TTN: variants seen among roughly 807,000 people sequenced by gnomAD.
The protein encoded by TTN is titin.
A neutral mutation model predicts 3,223.0 loss-of-function variants in TTN; 1,525 were observed. The ratio of observed to expected loss-of-function variants is 0.47; its 90% confidence interval spans 0.45 to 0.49. The LOEUF (loss-of-function observed/expected upper bound fraction) is 0.49. Ranked by LOEUF, TTN falls within the 20% of genes least tolerant of loss-of-function variation. TTN has a pLI of 0.00. For missense variants in TTN, 40,786 were observed against 43,424.0 expected, an observed-to-expected ratio of 0.94 and a Z score of 5.40; for synonymous variants, 14,094 against 15,161.0, an observed-to-expected ratio of 0.93 and a Z score of 5.17.
Position 178,785,862 on chromosome 2 carries a change from G to A in TTN, c.2356C>T (p.His786Tyr). 5.6e-6 allele frequency: 9 copies of A among 1,614,142 alleles called. No homozygotes were observed. The highest frequency in any genetic ancestry group is 6.8e-6 in the Non-Finnish European group (8 of 1,180,012). ...HIKTTDQKGM[H>Y]ISSQIKKTTD... Reference sequence around the variant, plus strand: ...TATAGACTCACCTGTGATGATATGTGCATTCCCTTTTGATCAGTAGTTTTG... The same window carrying A: ...TATAGACTCACCTGTGATGATATGTACATTCCCTTTTGATCAGTAGTTTTG... The change falls in exon 14 of 363, where the codon CAC becomes TAC. Residue 786 changes from histidine (H) to tyrosine (Y), a missense_variant. Coordinates refer to ENST00000589042, the MANE Select transcript of TTN (RefSeq NM_001267550.2).
At chr2:178,791,097 G>A (rs558197601) in intron 10 of TTN, among the ~76,000 whole-genome samples, 5 of 152,310 alleles carry the variant, frequency 3.3e-5, no homozygotes, top group East Asian at 3.9e-4. Flanking sequence ...ACATGTCAAC[G>A]TGTTAGGGAA....
At position 178,769,664 on chromosome 2, in the gene TTN, T is replaced by C. The variant is rs2091166552; in HGVS notation, c.8902+15A>G. On this transcript the variant is annotated intron_variant, in intron 37 of 362. Coordinates refer to ENST00000589042, the MANE Select transcript of TTN (RefSeq NM_001267550.2). Reference sequence around the variant, plus strand: ...ATATATATGTGTATATATATATATATATTTTTTAACTTACGGGTGACTGTC... The same window carrying C: ...ATATATATGTGTATATATATATATACATTTTTTAACTTACGGGTGACTGTC... 1 of 1,585,608 alleles carries C rather than the reference T, an allele frequency of 6.3e-7. No homozygotes were observed. The highest frequency in any genetic ancestry group is 1.7e-5 in the Admixed American group (1 of 59,392).
Position 178,565,777 on chromosome 2 carries a change from T to G in TTN, c.80355A>C (p.Gly26785=). 1 of 1,613,618 alleles carries G rather than the reference T, an allele frequency of 6.2e-7. No individual in the cohort carries two copies. Among genetic ancestry groups the G allele is most frequent in the Non-Finnish European group, 8.5e-7 (1 of 1,179,638 alleles). Reference sequence around the variant, plus strand: ...GGGACACATCAGTGAGTGTAACCTTTCCTGGTGGGGAAGGAGGTTCAGCAG... The same window carrying G: ...GGGACACATCAGTGAGTGTAACCTTGCCTGGTGGGGAAGGAGGTTCAGCAG... The part of the protein sequence containing the change: ...VKAAEPPSPP[G]KVTLTDVSQT... The change falls in exon 326 of 363, where the codon GGA becomes GGC. Residue 26785 remains glycine, a synonymous_variant. Coordinates refer to ENST00000589042, the MANE Select transcript of TTN (RefSeq NM_001267550.2).
At chr2:178,749,511 A>T in intron 47 of TTN, 1 of 1,612,906 alleles carries the variant, frequency 6.2e-7, no homozygotes, top group African/African-American at 1.3e-5. Flanking sequence ...ACATTTGTCC[A>T]GGGAGTAAAG....
Position 178,570,128 on chromosome 2 carries a change from TCAC to T in TTN, c.76001_76003del (p.Ser25334_Glu25335delinsLys), listed in dbSNP as rs746060399. 2.5e-6 allele frequency: 4 copies of T among 1,613,386 alleles called. No individual in the cohort carries two copies. Among genetic ancestry groups the T allele is most frequent in the Non-Finnish European group, 2.5e-6 (3 of 1,179,612 alleles). On this transcript the variant is annotated inframe_deletion, in exon 326 of 363. Coordinates refer to ENST00000589042, the MANE Select transcript of TTN (RefSeq NM_001267550.2). Reference sequence around the variant, plus strand: ...TTTCTCAAGAACATATCCAAGAATTTCACTACCACCATCAGATGCTGGTCTTTC... The same window carrying T: ...TTTCTCAAGAACATATCCAAGAATTTTACCACCATCAGATGCTGGTCTTTC...
rs2079961331 is a variant in TTN, at chr2:178,729,311, C to A, written c.18845G>T (p.Cys6282Phe). 2 of 1,611,162 alleles carry A rather than the reference C, an allele frequency of 1.2e-6. No homozygotes were observed. Among genetic ancestry groups the A allele is most frequent in the Non-Finnish European group, 1.7e-6 (2 of 1,178,118 alleles). Residue 6282 changes from cysteine (C) to phenylalanine (F), a missense_variant, in exon 64 of 363, where the codon TGC (cysteine) becomes TTC (phenylalanine). By Grantham distance (205) the Cys-to-Phe change is radical. Coordinates refer to ENST00000589042, the MANE Select transcript of TTN (RefSeq NM_001267550.2). ...ACCTTTCAGGGCAACTCTAGTACTGCATGAGCAGCTGCCGCCTTCATTGGA... is the reference window on the plus strand; with the variant it reads ...ACCTTTCAGGGCAACTCTAGTACTGAATGAGCAGCTGCCGCCTTCATTGGA... ...IVSNEGGSCS[C>F]STRVALKEPP...
chr2:178,578,771 T>C (rs760996925), intron 320 of TTN, 35 bp downstream of exon 320: 1 of 1,604,940 alleles, frequency 6.2e-7, no homozygotes, highest in Non-Finnish European at 8.5e-7. Context: ...CAAAACCGTG[T>C]TTTGCTTTAC....
intron 215 of TTN, 105 bp from the exon 216 acceptor site, chr2:178,646,664 A>C: frequency 1.5e-6 from 1 of 662,160 alleles, no homozygotes; most frequent in East Asian, 2.8e-5. Flanking sequence ...CAAAATAAAA[A>C]TATACAATTC....
chr2:178,582,961 T>A lies in TTN; in HGVS notation c.65842A>T (p.Thr21948Ser). ...TTACCTAACACTTTAAGCTTAATGG[T>A]GGCTGATTTAGAACCACTTGAATTT... ...AENSSGSKSA[T>S]IKLKVLDKPG... The change falls in exon 313 of 363, where the codon ACC becomes TCC. Residue 21948 changes from threonine to serine, a missense_variant. By Grantham distance (58) the Thr-to-Ser change is moderately conservative. Coordinates refer to ENST00000589042, the MANE Select transcript of TTN (RefSeq NM_001267550.2). 1 of 1,538,766 alleles carries A rather than the reference T, an allele frequency of 6.5e-7. No individual in the cohort carries two copies. The highest frequency in any genetic ancestry group is 8.8e-7 in the Non-Finnish European group (1 of 1,141,276).
At chr2:178,688,294 C>T (rs2071409038) in intron 126 of TTN, 70 bp from the exon 127 acceptor site, 1 of 1,335,256 alleles carries the variant, frequency 7.5e-7, no homozygotes, top group Admixed American at 1.7e-5. Flanking sequence ...CATGTGGTCA[C>T]TACAGATGGA....
chr2:178,722,183 C>G, intron 77 of TTN, 49 bp from the exon 78 acceptor site: 1 of 1,524,140 alleles, frequency 6.6e-7, no homozygotes, highest in South Asian at 1.3e-5. Flanking sequence ...TGTTTTTTTG[C>G]CATTGGTCGT....
At position 178,612,851 on chromosome 2, in the gene TTN, G is replaced by A. The variant is rs1471414348; in HGVS notation, c.49870C>T (p.Arg16624Ter). Reference protein sequence around the residue: ...GLMEGQEYSFRVRAVNKAGES... With the variant: ...GLMEGQEYSF The stretch of plus-strand genomic sequence containing the variant: ...CCAGCCTTATTCACAGCTCTAACTC[G>A]GAATGAGTATTCCTGTCCTTCCATG... Residue 16624 changes from arginine (R) to a stop codon, truncating the protein, a stop_gained, in exon 265 of 363, where the codon CGA becomes TGA. Transcript: ENST00000589042. LOFTEE classifies it high-confidence loss of function. The A allele has an allele frequency of 1.2e-6, 2 of 1,612,330 alleles. No individual in the cohort carries two copies. The highest frequency in any genetic ancestry group is 1.7e-6 in the Non-Finnish European group (2 of 1,179,192).
Position 178,659,530 on chromosome 2 carries a change from G to A in TTN, c.37286-275C>T, listed in dbSNP as rs563939210. On this transcript the variant is annotated intron_variant, in intron 180 of 362. Coordinates refer to ENST00000589042, the MANE Select transcript of TTN (RefSeq NM_001267550.2). ...AAAGACTCTCAATAAATTAGGTATT[G>A]ATGGGACGTATCTCAAAATAATAAG... 5.3e-5 allele frequency among the ~76,000 whole-genome samples: 8 copies of A among 150,248 alleles called. No individual in the cohort carries two copies. The South Asian group carries it at 1.5e-3, about 28-fold the overall frequency.
Position 178,574,509 on chromosome 2 carries a change from T to C in TTN, c.71623A>G (p.Thr23875Ala). 1 of 1,613,638 alleles carries C rather than the reference T, an allele frequency of 6.2e-7. No homozygotes were observed. Among genetic ancestry groups the C allele is most frequent in the Non-Finnish European group, 8.5e-7 (1 of 1,179,630 alleles). ...CCTGGTACTAAAGCTTTGCTCACAG[T>C]CTGCCAGAGAATACCATTTCGTTCT... Reference protein sequence around the residue: ...RKERNGILWQTVSKALVPGNI... With the variant: ...RKERNGILWQAVSKALVPGNI... The change falls in exon 326 of 363, where the codon ACT (threonine) becomes GCT (alanine). Residue 23875 changes from threonine to alanine, a missense_variant. Coordinates refer to ENST00000589042, the MANE Select transcript of TTN (RefSeq NM_001267550.2).
intron 321 of TTN, 65 bp downstream of exon 321, chr2:178,578,546 T>C: frequency 7.8e-7 from 1 of 1,278,858 alleles, no homozygotes; most frequent in Admixed American, 2.0e-5. Flanking sequence ...TGTTCAACTG[T>C]TCTCAGGGAA....
intron 250 of TTN, 28 bp from the exon 251 acceptor site, chr2:178,618,881 T>C (rs2057806848): frequency 1.3e-6 from 2 of 1,598,048 alleles, no homozygotes; most frequent in Non-Finnish European, 1.7e-6. Context: ...ATGTGAACGC[T>C]TTCGACTATT....
intron 120 of TTN, 135 bp downstream of exon 120, chr2:178,692,362 T>C (rs2072674247): frequency 1.7e-5 from 16 of 962,560 alleles, no homozygotes; most frequent in Non-Finnish European, 2.5e-5. Context: ...TCACCACAAA[T>C]AAATGAAATC....
Position 178,557,759 on chromosome 2 carries a change from C to G in TTN, c.87595G>C (p.Val29199Leu). 1 of 1,613,934 alleles carries G rather than the reference C, an allele frequency of 6.2e-7. No homozygotes were observed. The highest frequency in any genetic ancestry group is 8.5e-7 in the Non-Finnish European group (1 of 1,179,850). ...TCTTCTCCTGTGGTCAGTTTCATGACTTTCATCATGGTTCTTGCAACTGTT... is the reference window on the plus strand; with the variant it reads ...TCTTCTCCTGTGGTCAGTTTCATGAGTTTCATCATGGTTCTTGCAACTGTT... ...SATVARTMMK[V>L]MKLTTGEEYQ... Residue 29199 changes from valine to leucine, a missense_variant, in exon 328 of 363, where the codon GTC (valine) becomes CTC (leucine). By Grantham distance (32) the Val-to-Leu change is conservative. Transcript: ENST00000589042.
In TTN at chr2:178,674,299, T is replaced by A; in HGVS notation, c.34708+15A>T. On this transcript the variant is annotated intron_variant, in intron 151 of 362. Transcript: ENST00000589042. The stretch of plus-strand genomic sequence containing the variant: ...CCAGGAATTTTAAATGTTCAATCCT[T>A]AAAAGCGGTTATACCTCTAGGTGGT... 6.7e-7 allele frequency: 1 copy of A among 1,500,250 alleles called. No individual in the cohort carries two copies. Among genetic ancestry groups the A allele is most frequent in the Non-Finnish European group, 9.2e-7 (1 of 1,090,434 alleles). 92.9% of individuals were successfully genotyped at this position (1,500,250 alleles called of 1,614,324 possible). A position where few individuals can be genotyped will look rare whatever the true frequency, so the allele number is the denominator to read the frequency against.
Sources: gnomAD v4.1 joint callset for allele counts (sites outside exome capture counted in the v4.1 genomes callset) on GRCh38, gnomAD v4.1.1 for gene constraint, MANE v1.5 for transcripts, NCBI Gene and HGNC (gene_info 2026-07-23, HGNC 2026-07-21) for gene names.